The following TDRD1 variants were observed in gnomAD, a reference collection of about 807,000 sequenced individuals.
TDRD1 encodes the protein tudor domain-containing protein 1.
A neutral mutation model predicts 140.6 loss-of-function variants in TDRD1; 37 were observed. The ratio of observed to expected loss-of-function variants is 0.26; its 90% confidence interval spans 0.20 to 0.35. TDRD1 has a LOEUF of 0.35. Among genes scored for constraint, TDRD1 ranks in the 10% least tolerant of loss-of-function variants. The pLI, the probability that TDRD1 is intolerant of heterozygous loss-of-function variation, is 1.00. For synonymous variants in TDRD1, 506 were observed against 475.7 expected, an observed-to-expected ratio of 1.06 and a Z score of -0.83; for missense variants, 1,243 against 1,393.0, an observed-to-expected ratio of 0.89 and a Z score of 1.71.
upstream of TDRD1, among the ~76,000 whole-genome samples, chr10:114,177,486 T>A (rs1311951049): frequency 6.6e-6 from 1 of 151,986 alleles, no homozygotes; most frequent in Non-Finnish European, 1.5e-5. Flanking sequence ...TCAGACAAAT[T>A]CCAAAAGTAG....
intron 15 of TDRD1, 128 bp from the exon 16 acceptor site, chr10:114,213,849 A>C: frequency 1.2e-6 from 1 of 807,544 alleles, no homozygotes; most frequent in Non-Finnish European, 2.0e-6. Context: ...CTTTACGGTT[A>C]ATATTCCTAT....
chr10:114,204,280 A>T (rs984747745), intron 9 of TDRD1, 64 bp downstream of exon 9: 1 of 1,498,090 alleles, frequency 6.7e-7, no homozygotes, highest in Non-Finnish European at 8.9e-7. Flanking sequence ...CAATGTTTTG[A>T]TGGGCACAGT....
At chr10:114,210,708 A>G (rs903332913) in exon 12 of TDRD1, 1 of 1,612,834 alleles carries the variant, frequency 6.2e-7, no homozygotes, top group Non-Finnish European at 8.5e-7. Flanking sequence ...CCCACATTCA[A>G]ACACCAGAAG....
intron 14 of TDRD1, among the ~76,000 whole-genome samples, chr10:114,213,023 G>A (rs1444155011): frequency 2.0e-5 from 3 of 152,118 alleles, no homozygotes; most frequent in Non-Finnish European, 4.4e-5. Context: ...ATGGAATTAC[G>A]TGGTTTTTGT....
rs1468432563 is a variant in TDRD1, at chr10:114,199,167, T to A, written c.385-6T>A. The A allele has an allele frequency of 6.2e-7, 1 of 1,607,728 alleles. No homozygotes were observed. Among genetic ancestry groups the A allele is most frequent in the East Asian group, 2.2e-5 (1 of 44,850 alleles). ...TTCTAACATTGCTCTTCTTTGTTCT[T>A]AATAGAAGCCTGGAAATAATGTACG... On this transcript the variant is annotated splice_polypyrimidine_tract_variant and splice_region_variant and intron_variant, in intron 3 of 25. Coordinates refer to ENST00000251864, the Ensembl canonical transcript of TDRD1.
intron 5 of TDRD1, 122 bp from the exon 6 acceptor site, chr10:114,202,116 C>T: frequency 1.4e-6 from 1 of 702,752 alleles, no homozygotes; most frequent in Non-Finnish European, 2.3e-6. Flanking sequence ...CACTGTGATT[C>T]TGGAAGAAGC....
At chr10:114,220,484 G>T in intron 18 of TDRD1, 84 bp from the exon 19 acceptor site, 1 of 901,818 alleles carries the variant, frequency 1.1e-6, no homozygotes, top group South Asian at 1.6e-5. Context: ...AAGTAAACTT[G>T]GCAAAGACCT....
At chr10:114,190,963 A>C (rs1178559224) in exon 3 of TDRD1, 2 of 1,613,974 alleles carry the variant, frequency 1.2e-6, no homozygotes, top group Non-Finnish European at 1.7e-6. Flanking sequence ...CTCCCCAGGA[A>C]ACTCAGTGTC....
At chr10:114,231,058 C>T (rs1283575178) in intron 25 of TDRD1, among the ~76,000 whole-genome samples, 3 of 152,046 alleles carry the variant, frequency 2.0e-5, no homozygotes, top group African/African-American at 7.2e-5. Context: ...CAGAGTGAGA[C>T]CCTGTCTCAA....
At chr10:114,220,811 A>C in exon 19 of TDRD1, 1 of 1,612,296 alleles carries the variant, frequency 6.2e-7, no homozygotes. Flanking sequence ...GTTAATAAAC[A>C]TGAGCTTCAA....
intron 2 of TDRD1, 25 bp downstream of exon 2, chr10:114,188,181 A>C (rs1292285181): frequency 1.9e-6 from 3 of 1,538,860 alleles, no homozygotes; most frequent in Non-Finnish European, 2.6e-6. Context: ...CAGGCTTCCT[A>C]CTTCTTCATT....
At chr10:114,228,927 T>TA (rs2036594778) in intron 25 of TDRD1, 1 of 256,622 alleles carries the variant, frequency 3.9e-6, no homozygotes, top group African/African-American at 2.3e-5. Flanking sequence ...CTACTTAAAA[T>TA]ACAAAATTAG....
At chr10:114,196,833 C>CTTTTTT (rs36124319) in intron 3 of TDRD1, among the ~76,000 whole-genome samples, 1,408 of 48,356 alleles carry the variant, frequency 0.029, 364 homozygotes, top group African/African-American at 0.032. Flanking sequence ...TTCTAGCAGT[C>CTTTTTT]TTTTTTTTTT....
intron 3 of TDRD1, among the ~76,000 whole-genome samples, chr10:114,196,418 G>A (rs2034353368): frequency 6.6e-6 from 1 of 152,076 alleles, no homozygotes; most frequent in Admixed American, 6.5e-5. Context: ...ATTTTCCTTG[G>A]ATAAGTTTCT....
At chr10:114,217,653 C>T (rs1434944765) in exon 17 of TDRD1, 1 of 1,567,608 alleles carries the variant, frequency 6.4e-7, no homozygotes, top group Admixed American at 1.7e-5. Flanking sequence ...GCTTTTTTTG[C>T]AGGTAAGTTG....
At chr10:114,201,020 A>G (rs571785843) in intron 4 of TDRD1, among the ~76,000 whole-genome samples, 9 of 147,588 alleles carry the variant, frequency 6.1e-5, no homozygotes, top group Non-Finnish European at 9.0e-5. Flanking sequence ...TGCCTGGCTA[A>G]TTTTTGTATT....
chr10:114,226,985 A>C (rs2036474958), intron 22 of TDRD1, 87 bp from the exon 23 acceptor site: 1 of 728,690 alleles, frequency 1.4e-6, no homozygotes, highest in Non-Finnish European at 2.3e-6. Context: ...AAGTCCAGTA[A>C]GCCTTTTGCT....
At position 114,190,140 on chromosome 10, in the gene TDRD1, C is replaced by CA. The variant is rs554882027; in HGVS notation, c.326-817dup. The stretch of plus-strand genomic sequence containing the variant: ...AAGCAACATTTCACTGAGTTGAAGG[C>CA]AAAAGCTGTATATGAATCCAGCTGT... On this transcript the variant is annotated intron_variant, in intron 2 of 25. Coordinates refer to ENST00000251864, the Ensembl canonical transcript of TDRD1. Among the ~76,000 whole-genome samples, 10 of 152,194 alleles carry CA rather than the reference C, an allele frequency of 6.6e-5. No individual in the cohort carries two copies. The South Asian group carries it at 1.5e-3, about 22-fold the overall frequency.
chr10:114,195,310 G>A (rs567260856), intron 3 of TDRD1, among the ~76,000 whole-genome samples: 15 of 152,248 alleles, frequency 9.9e-5, no homozygotes, highest in East Asian at 3.9e-4. Context: ...AATGTGCCTC[G>A]TCTGTTGTTG....
Sources: gnomAD v4.1 joint callset for allele counts (sites outside exome capture counted in the v4.1 genomes callset) on GRCh38, gnomAD v4.1.1 for gene constraint, MANE v1.5 for transcripts, NCBI Gene and HGNC (gene_info 2026-07-23, HGNC 2026-07-21) for gene names.